PPM1D: variants seen among roughly 807,000 people sequenced by gnomAD.
The protein encoded by PPM1D is protein phosphatase 1D.
A neutral mutation model predicts 58.3 loss-of-function variants in PPM1D; 52 were observed. The observed-to-expected ratio is 0.89, with a 90% CI of 0.71 to 1.12. The LOEUF is 1.12. Ranked by LOEUF, PPM1D falls within the 50% of genes most tolerant of loss-of-function variation. PPM1D has a pLI of 0.00. For synonymous variants in PPM1D, 278 were observed against 285.1 expected (o/e 0.98, Z 0.25); for missense variants, 564 against 777.2 (o/e 0.73, Z 3.26).
intron 1 of PPM1D, among the ~76,000 whole-genome samples, chr17:60,612,516 GGAGAC>G (rs2030479963): frequency 2.0e-5 from 3 of 152,264 alleles, no homozygotes; most frequent in African/African-American, 7.2e-5. Context: ...TAGTTATGTA[GGAGAC>G]TGTCCTTGTG....
rs556776922 is a variant in PPM1D, at chr17:60,650,317, A to G, written c.1017+2235A>G. ...TGTAATCCCAGCACTTTGGGAGGCC[A>G]AGGCAGGTGGATCACTTGAGGTCAG... On this transcript the variant is annotated intron_variant, in intron 4 of 5. Coordinates refer to ENST00000305921, the MANE Select transcript of PPM1D (RefSeq NM_003620.4). Among the ~76,000 whole-genome samples the G allele has an allele frequency of 2.3e-4, 35 of 152,264 alleles. No individual in the cohort carries two copies. In the East Asian group the frequency reaches 6.8e-3, roughly 29 times the overall value.
intron 1 of PPM1D, among the ~76,000 whole-genome samples, chr17:60,603,690 C>T (rs752595600): frequency 3.3e-5 from 5 of 151,948 alleles, no homozygotes; most frequent in Non-Finnish European, 7.4e-5. Flanking sequence ...CTTGAACCCG[C>T]GAGGCGGAGG....
At chr17:60,634,007 AT>A in intron 3 of PPM1D, 30 bp downstream of exon 3, 1 of 1,607,256 alleles carries the variant, frequency 6.2e-7, no homozygotes, top group Non-Finnish European at 8.5e-7. Context: ...GTGAAATTAT[AT>A]TGAATTTTCT....
chr17:60,616,287 CAA>C (rs540660869), intron 1 of PPM1D, among the ~76,000 whole-genome samples: 11 of 70,378 alleles, frequency 1.6e-4, no homozygotes, highest in Non-Finnish European at 2.2e-4. Context: ...GGCTCTGTCT[CAA>C]AAAAAAAAAA....
chr17:60,645,222 C>T (rs1214567646), intron 3 of PPM1D, among the ~76,000 whole-genome samples: 5 of 151,838 alleles, frequency 3.3e-5, no homozygotes, highest in Non-Finnish European at 2.9e-5. Flanking sequence ...GATGTGGTGG[C>T]GGGCACCTGT....
chr17:60,644,367 C>T (rs1284296402), intron 3 of PPM1D, among the ~76,000 whole-genome samples: 1 of 151,886 alleles, frequency 6.6e-6, no homozygotes, highest in African/African-American at 2.4e-5. Flanking sequence ...AACTCCCAGG[C>T]TCAAGCAATC....
At chr17:60,626,610 G>A (rs1315817769) in intron 2 of PPM1D, among the ~76,000 whole-genome samples, 2 of 151,912 alleles carry the variant, frequency 1.3e-5, no homozygotes, top group African/African-American at 4.8e-5. Context: ...TAGCCAGGAT[G>A]GTCTTGATCT....
In PPM1D at chr17:60,600,680, G is replaced by A; in HGVS notation, c.266G>A (p.Ser89Asn). The A allele has an allele frequency of 6.3e-7, 1 of 1,577,174 alleles. No individual in the cohort carries two copies. Among genetic ancestry groups the A allele is most frequent in the Non-Finnish European group, 8.6e-7 (1 of 1,164,100 alleles). ...LPDAGASPAP[S>N]RCCRRRSSVA... is the part of the protein sequence containing the mutation. ...GACGCCGGGGCCTCGCCGGCACCTA[G>A]CCGCTGCTGCCGCCGCCGTTCCTCC... Residue 89 changes from serine to asparagine, a missense_variant, in exon 1 of 6, where the codon AGC becomes AAC. Transcript: ENST00000305921.
chr17:60,603,374 A>T (rs1388349255), intron 1 of PPM1D, among the ~76,000 whole-genome samples: 1 of 152,198 alleles, frequency 6.6e-6, no homozygotes, highest in Non-Finnish European at 1.5e-5. Flanking sequence ...TTATATATAT[A>T]TTTTAAAGAA....
At chr17:60,655,245 T>TA (rs1491388166) in intron 4 of PPM1D, among the ~76,000 whole-genome samples, 1 of 152,254 alleles carries the variant, frequency 6.6e-6, no homozygotes, top group Non-Finnish European at 1.5e-5. Context: ...CAGAATCTCT[T>TA]ATGTTAGAAG....
In PPM1D at chr17:60,663,032, AG is replaced by A; in HGVS notation, c.1300del (p.Asp434ThrfsTer17). 6.2e-7 allele frequency: 1 copy of A among 1,613,706 alleles called. No individual in the cohort carries two copies. Among genetic ancestry groups the A allele is most frequent in the Non-Finnish European group, 8.5e-7 (1 of 1,179,818 alleles). On this transcript the variant is annotated frameshift_variant, in exon 6 of 6. Transcript: ENST00000305921. LOFTEE classifies it high-confidence loss of function. ...EEDPWPRVNS[K>X]DHIPALVRSN... ...GATCCATGGCCAAGGGTGAATTCTA[AG>A]GACCATATACCTGCCCTGGTTCGTA...
At chr17:60,641,127 A>G (rs1370083141) in intron 3 of PPM1D, among the ~76,000 whole-genome samples, 3 of 152,154 alleles carry the variant, frequency 2.0e-5, no homozygotes, top group Non-Finnish European at 2.9e-5. Context: ...CACTAACAGG[A>G]TTGCTAGATC....
At chr17:60,616,915 T>C (rs1005679244) in intron 1 of PPM1D, among the ~76,000 whole-genome samples, 8 of 152,142 alleles carry the variant, frequency 5.3e-5, no homozygotes, top group African/African-American at 1.9e-4. Context: ...GGCTGAATTA[T>C]TTGTATACTG....
chr17:60,642,624 A>G (rs980623321), intron 3 of PPM1D, among the ~76,000 whole-genome samples: 1 of 152,020 alleles, frequency 6.6e-6, no homozygotes, highest in Non-Finnish European at 1.5e-5. Flanking sequence ...ATGCCCAGCT[A>G]ATTTTTGTAT....
chr17:60,625,663 G>A (rs1251678234), intron 2 of PPM1D, among the ~76,000 whole-genome samples: 1 of 152,116 alleles, frequency 6.6e-6, no homozygotes, highest in African/African-American at 2.4e-5. Flanking sequence ...TCCAAGTAAA[G>A]GTAGAGTAAT....
intron 1 of PPM1D, among the ~76,000 whole-genome samples, chr17:60,607,678 ATAGTT>A (rs758626872): frequency 1.3e-5 from 2 of 152,158 alleles, no homozygotes; most frequent in Non-Finnish European, 2.9e-5. Flanking sequence ...CCTTCTTTTG[ATAGTT>A]TAAAGAAGAT....
chr17:60,638,720 A>G (rs1299588144), intron 3 of PPM1D, among the ~76,000 whole-genome samples: 1 of 152,126 alleles, frequency 6.6e-6, no homozygotes, highest in Non-Finnish European at 1.5e-5. Context: ...TTCTGAGTTT[A>G]GCTTGTTGCA....
intron 3 of PPM1D, among the ~76,000 whole-genome samples, chr17:60,636,587 T>C (rs1169172679): frequency 1.3e-5 from 2 of 152,180 alleles, no homozygotes; most frequent in African/African-American, 2.4e-5. Context: ...TAAGATGATA[T>C]GTCAGTAAAG....
At chr17:60,626,715 A>G (rs1029727185) in intron 2 of PPM1D, among the ~76,000 whole-genome samples, 1 of 152,092 alleles carries the variant, frequency 6.6e-6, no homozygotes, top group Non-Finnish European at 1.5e-5. Context: ...TTAAAAAAAA[A>G]TTTTAAGAAA....
Sources: gnomAD v4.1 joint callset for allele counts (sites outside exome capture counted in the v4.1 genomes callset) on GRCh38, gnomAD v4.1.1 for gene constraint, MANE v1.5 for transcripts, NCBI Gene and HGNC (gene_info 2026-07-23, HGNC 2026-07-21) for gene names.